SIN3A: variants seen among roughly 807,000 people sequenced by gnomAD.
SIN3A encodes SIN3 transcription regulator family member A.
SIN3A carries 14 observed loss-of-function variants against 146.1 expected under a neutral mutation model. The ratio of observed to expected loss-of-function variants is 0.10; its 90% confidence interval spans 0.06 to 0.15. The LOEUF (loss-of-function observed/expected upper bound fraction) is 0.15, where lower values mean the gene tolerates loss of function less well. Among genes scored for constraint, SIN3A ranks in the 10% least tolerant of loss-of-function variants. The probability of loss-of-function intolerance (pLI) is 1.00; values close to 1 mark genes in which losing one functional copy is unlikely to be tolerated. For missense variants in SIN3A, 1,028 were observed against 1,576.0 expected (o/e 0.65, Z 5.89); for synonymous variants, 572 against 572.0 (o/e 1.00, Z 0.00).
At chr15:75,414,852 C>T (rs1380303057) in intron 3 of SIN3A, among the ~76,000 whole-genome samples, 2 of 152,014 alleles carry the variant, frequency 1.3e-5, no homozygotes, top group African/African-American at 4.8e-5. Context: ...AAAGTGAAGA[C>T]CAGTGAAGAA....
At chr15:75,389,587 T>C (rs2073159076) in intron 16 of SIN3A, 65 bp downstream of exon 16, 4 of 1,534,298 alleles carry the variant, frequency 2.6e-6, no homozygotes, top group Non-Finnish European at 3.6e-6. Flanking sequence ...TCCTTTTCCT[T>C]GCGTGGCCCA....
rs993898658 is a variant in SIN3A at position 75,396,242 on chromosome 15, A to G, written c.2093+16T>C. The G allele has an allele frequency of 7.0e-6, 11 of 1,563,180 alleles. No homozygotes were observed. Among genetic ancestry groups the G allele is most frequent in the East Asian group, 4.5e-5 (2 of 44,582 alleles). On this transcript the variant is annotated intron_variant, in intron 13 of 20. Coordinates refer to ENST00000394947, the MANE Select transcript of SIN3A (RefSeq NM_001145358.2). ...TGAAGTACACTAAAGCACTAAGGGC[A>G]CATTTGCTCATGTACCTTTTAAGGA...
chr15:75,399,368 A>G (rs1290539374), intron 12 of SIN3A, among the ~76,000 whole-genome samples: 2 of 152,134 alleles, frequency 1.3e-5, no homozygotes, highest in Admixed American at 6.5e-5. Context: ...CTCTAATAAA[A>G]ATACAAAAAA....
chr15:75,436,003 T>G (rs2074101427), intron 1 of SIN3A, among the ~76,000 whole-genome samples: 1 of 150,642 alleles, frequency 6.6e-6, no homozygotes, highest in African/African-American at 2.4e-5. Context: ...GGCGCACAAC[T>G]ATGGTACTAG....
chr15:75,385,339 A>AC (rs1335754354), intron 16 of SIN3A, among the ~76,000 whole-genome samples: 1 of 152,234 alleles, frequency 6.6e-6, no homozygotes, highest in Non-Finnish European at 1.5e-5. Flanking sequence ...CTAGCCCAAT[A>AC]CTTTTCCAAA....
rs200318256 is a variant in SIN3A, at chr15:75,376,859, T to TAAAAAAAAAA, written c.3384-997_3384-988dup. The stretch of plus-strand genomic sequence containing the variant: ...TGGGACACAGAGCCAGACACTGTCT[T>TAAAAAAAAAA]AAAAAAAAAAAAAAAAAAAAAAAAC... On this transcript the variant is annotated intron_variant, in intron 19 of 20. Coordinates refer to ENST00000394947, the MANE Select transcript of SIN3A (RefSeq NM_001145358.2). 1.9e-4 allele frequency among the ~76,000 whole-genome samples: 22 copies of TAAAAAAAAAA among 115,796 alleles called. 1 individual carries two copies. Among genetic ancestry groups the TAAAAAAAAAA allele is most frequent in the African/African-American group, 6.7e-4 (21 of 31,470 alleles). The allele number at this position is 115,796 out of a possible 152,430, so 76.0% of individuals were successfully genotyped here. A position where few individuals can be genotyped will look rare whatever the true frequency, so the allele number is the denominator to read the frequency against.
At chr15:75,408,260 A>G (rs1033558711) in intron 8 of SIN3A, among the ~76,000 whole-genome samples, 1 of 152,226 alleles carries the variant, frequency 6.6e-6, no homozygotes, top group Non-Finnish European at 1.5e-5. Context: ...CTTGCTACCC[A>G]TATAACTAAT....
At chr15:75,420,045 G>T (rs1282830497) in intron 3 of SIN3A, 2 of 152,042 alleles carry the variant, frequency 1.3e-5, no homozygotes, top group East Asian at 1.9e-4. Context: ...TAGTTATTTA[G>T]AAGCTACAGA....
chr15:75,435,163 G>A (rs557253224), intron 1 of SIN3A, among the ~76,000 whole-genome samples: 111 of 151,868 alleles, frequency 7.3e-4, no homozygotes, highest in Admixed American at 3.0e-3. Context: ...GTTTATCCAC[G>A]AGTATAAGAA....
intron 15 of SIN3A, 76 bp from the exon 16 acceptor site, chr15:75,389,897 C>A (rs1341310791): frequency 1.4e-6 from 2 of 1,417,776 alleles, no homozygotes; most frequent in Non-Finnish European, 1.9e-6. Flanking sequence ...GCAAATCCCA[C>A]AGCTGGCCTA....
At chr15:75,422,276 T>C (rs1232056408) in intron 3 of SIN3A, 1 of 431,044 alleles carries the variant, frequency 2.3e-6, no homozygotes, top group African/African-American at 2.0e-5. Flanking sequence ...CTGTAAGATA[T>C]ATTACTGGGC....
intron 18 of SIN3A, 32 bp from the exon 19 acceptor site, chr15:75,380,755 G>C: frequency 6.5e-7 from 1 of 1,527,346 alleles, no homozygotes; most frequent in Non-Finnish European, 9.1e-7. Context: ...ACAGGTGGAA[G>C]GAAATCACAA....
intron 6 of SIN3A, among the ~76,000 whole-genome samples, chr15:75,411,259 C>T (rs1175668657): frequency 2.6e-5 from 4 of 152,064 alleles, no homozygotes; most frequent in African/African-American, 7.2e-5. Context: ...GCCCGGGAGG[C>T]GGAGACTGCA....
chr15:75,452,162 C>T (rs776745114), upstream of SIN3A, among the ~76,000 whole-genome samples: 11 of 152,226 alleles, frequency 7.2e-5, no homozygotes, highest in Non-Finnish European at 1.3e-4. Context: ...GCTCCGCCTA[C>T]CGCACTGCCG....
chr15:75,392,266 T>C lies in SIN3A; in HGVS notation c.2827A>G (p.Ile943Val), dbSNP rs763053849. ...IKRDKSDSPA[I>V]QLRLKEPMDV... is the part of the protein sequence containing the mutation. ...CTAGGTTCTTTGAGACGTAGCTGAA[T>C]GGCAGGGCTGTCACTCTTGTCTCGC... The change falls in exon 15 of 21, where the codon ATT becomes GTT. Residue 943 changes from isoleucine to valine, a missense_variant. Ile to Val is a conservative substitution (Grantham distance 29, BLOSUM62 3). Around this residue, in one of 9 missense-constraint regions of SIN3A, gnomAD observed 488 missense variants for 690.2 expected, o/e 0.71. Transcript: ENST00000394947. 3.4e-5 allele frequency: 55 copies of C among 1,613,754 alleles called. No individual in the cohort carries two copies. The highest frequency in any genetic ancestry group is 4.7e-5 in the Non-Finnish European group (55 of 1,179,642).
At chr15:75,379,742 T>C (rs2072930007) in intron 19 of SIN3A, among the ~76,000 whole-genome samples, 1 of 152,244 alleles carries the variant, frequency 6.6e-6, no homozygotes, top group South Asian at 2.1e-4. Flanking sequence ...TCAAAACTTT[T>C]AGGAAGGAAG....
At chr15:75,447,699 G>C (rs1229061867) in intron 1 of SIN3A, 1 of 152,174 alleles carries the variant, frequency 6.6e-6, no homozygotes, top group African/African-American at 2.4e-5. Flanking sequence ...TAAAGGATGT[G>C]GACCTGCATA....
Position 75,370,261 on chromosome 15 carries a change from G to A in SIN3A, c.*1718C>T, listed in dbSNP as rs746225590. On this transcript the variant is annotated 3_prime_UTR_variant, in exon 21 of 21. Transcript: ENST00000394947. Reference sequence around the variant, plus strand: ...TTTAAACAATAAAAGCCTAAAATCAGAGAGGTCTACCATGTGTTTTGAAAA... The same window carrying A: ...TTTAAACAATAAAAGCCTAAAATCAAAGAGGTCTACCATGTGTTTTGAAAA... 2 of 152,294 alleles carry A rather than the reference G, an allele frequency of 1.3e-5. No individual in the cohort carries two copies. Among genetic ancestry groups the A allele is most frequent in the Admixed American group, 6.5e-5 (1 of 15,302 alleles). 9.4% of individuals were successfully genotyped at this position (152,294 alleles called of 1,614,324 possible). A position where few individuals can be genotyped will look rare whatever the true frequency, so the allele number is the denominator to read the frequency against.
intron 1 of SIN3A, among the ~76,000 whole-genome samples, chr15:75,435,436 G>A (rs952216226): frequency 2.0e-5 from 3 of 152,200 alleles, no homozygotes; most frequent in Non-Finnish European, 4.4e-5. Flanking sequence ...AGTGGCTTAC[G>A]CTTATAATCC....
Sources: gnomAD v4.1 joint callset for allele counts (sites outside exome capture counted in the v4.1 genomes callset) on GRCh38, gnomAD v4.1.1 for gene constraint, gnomAD v4.1.1 regional missense constraint, MANE v1.5 for transcripts, NCBI Gene and HGNC (gene_info 2026-07-23, HGNC 2026-07-21) for gene names.